NCOA1: variants seen among roughly 807,000 people sequenced by gnomAD.
The protein encoded by NCOA1 is nuclear receptor coactivator 1.
Under a neutral mutation model 150.9 loss-of-function variants are expected in NCOA1, and 35 were observed. The observed-to-expected ratio is 0.23, with a 90% CI of 0.18 to 0.31. NCOA1 has a LOEUF of 0.31. Ranked by LOEUF, NCOA1 falls within the 10% of genes least tolerant of loss-of-function variation. NCOA1 has a pLI of 1.00. For synonymous variants in NCOA1, 590 were observed against 630.0 expected, an observed-to-expected ratio of 0.94 and a Z score of 0.95; for missense variants, 1,491 against 1,749.3, an observed-to-expected ratio of 0.85 and a Z score of 2.63.
chr2:24,502,791 A>C (rs1320038447), intron 1 of NCOA1, among the ~76,000 whole-genome samples: 1 of 152,166 alleles, frequency 6.6e-6, no homozygotes, highest in Non-Finnish European at 1.5e-5. Context: ...TTGAAATTCT[A>C]CCTATCCTTT....
At chr2:24,656,636 C>T (rs1558878446) in intron 4 of NCOA1, among the ~76,000 whole-genome samples, 1 of 152,290 alleles carries the variant, frequency 6.6e-6, no homozygotes, top group East Asian at 1.9e-4. Flanking sequence ...ACATCCTTCC[C>T]AGCCTCTAGT....
intron 4 of NCOA1, among the ~76,000 whole-genome samples, chr2:24,654,975 C>T (rs1670867997): frequency 6.6e-6 from 1 of 152,154 alleles, no homozygotes; most frequent in African/African-American, 2.4e-5. Context: ...CCTTCCACTT[C>T]CACATACCTA....
At chr2:24,600,153 G>A (rs1392472728) in intron 3 of NCOA1, among the ~76,000 whole-genome samples, 2 of 152,052 alleles carry the variant, frequency 1.3e-5, no homozygotes, top group African/African-American at 2.4e-5. Context: ...TCAGAAGTTC[G>A]TCAAAGTATT....
At position 24,576,163 on chromosome 2, in the gene NCOA1, G is replaced by GTTTTT. The variant is rs1491073238; in HGVS notation, c.-259-8311_-259-8307dup. On this transcript the variant is annotated intron_variant, in intron 2 of 22. Coordinates refer to ENST00000348332, the MANE Select transcript of NCOA1 (RefSeq NM_003743.5). ...ATTTGGCCTTTGTTTTTTTTTTTTTGTTTTTTGTTTTTTTTTTTTTTTTTT... is the reference window on the plus strand; with the variant it reads ...ATTTGGCCTTTGTTTTTTTTTTTTTGTTTTTTTTTTTGTTTTTTTTTTTTTTTTTT... 1.7e-3 allele frequency among the ~76,000 whole-genome samples: 153 copies of GTTTTT among 92,650 alleles called. 1 individual carries two copies. Among genetic ancestry groups the GTTTTT allele is most frequent in the African/African-American group, 3.1e-3 (68 of 21,642 alleles). The allele number at this position is 92,650 out of a possible 152,430, so 60.8% of individuals were successfully genotyped here. A position where few individuals can be genotyped will look rare whatever the true frequency, so the allele number is the denominator to read the frequency against.
chr2:24,556,636 A>T (rs1205198161), intron 1 of NCOA1, among the ~76,000 whole-genome samples: 1 of 152,202 alleles, frequency 6.6e-6, no homozygotes, highest in Admixed American at 6.5e-5. Context: ...AAAGCTCAAC[A>T]TCACTGGTCA....
chr2:24,521,205 GATTAA>G (rs1220195075), intron 1 of NCOA1, among the ~76,000 whole-genome samples: 4 of 152,226 alleles, frequency 2.6e-5, no homozygotes, highest in African/African-American at 7.2e-5. Context: ...GTTGTGAAAT[GATTAA>G]ATTAAGCTGA....
intron 1 of NCOA1, among the ~76,000 whole-genome samples, chr2:24,539,231 T>C (rs1047997190): frequency 2.6e-5 from 4 of 152,164 alleles, no homozygotes; most frequent in Non-Finnish European, 5.9e-5. Flanking sequence ...CCCAAAGTGC[T>C]GGGATTACAG....
At chr2:24,605,420 G>T (rs916353886) in intron 3 of NCOA1, among the ~76,000 whole-genome samples, 2 of 152,244 alleles carry the variant, frequency 1.3e-5, no homozygotes, top group African/African-American at 4.8e-5. Flanking sequence ...ATTTATTTAT[G>T]TTGCTCTGTA....
At chr2:24,542,847 A>G (rs1316226933) in intron 1 of NCOA1, among the ~76,000 whole-genome samples, 1 of 152,252 alleles carries the variant, frequency 6.6e-6, no homozygotes, top group African/African-American at 2.4e-5. Flanking sequence ...TAATTAGTAA[A>G]CTTGATTTAA....
chr2:24,681,069 A>AG (rs1672139428), intron 7 of NCOA1, among the ~76,000 whole-genome samples: 1 of 151,770 alleles, frequency 6.6e-6, no homozygotes, highest in Non-Finnish European at 1.5e-5. Flanking sequence ...CACATAAAAA[A>AG]AAAAAAAAAT....
chr2:24,769,099 A>G lies in NCOA1; in HGVS notation c.*708A>G, dbSNP rs1665210241. 4.7e-6 allele frequency: 1 copy of G among 212,900 alleles called. No individual in the cohort carries two copies. Among genetic ancestry groups the G allele is most frequent in the Non-Finnish European group, 9.5e-6 (1 of 105,128 alleles). The allele number at this position is 212,900 out of a possible 1,614,324, so 13.2% of individuals were successfully genotyped here. On this transcript the variant is annotated 3_prime_UTR_variant, in exon 23 of 23. Coordinates refer to ENST00000348332, the MANE Select transcript of NCOA1 (RefSeq NM_003743.5). ...TAATTTTTGATGAGATGGGTGAAGGACAAGAAGTGAGTTGTGTCAATTATT... is the reference window on the plus strand; with the variant it reads ...TAATTTTTGATGAGATGGGTGAAGGGCAAGAAGTGAGTTGTGTCAATTATT...
chr2:24,684,884 G>A (rs1190290880), intron 8 of NCOA1, among the ~76,000 whole-genome samples: 3 of 151,846 alleles, frequency 2.0e-5, no homozygotes, highest in Non-Finnish European at 4.4e-5. Context: ...CTTCTTTCAA[G>A]GTATTTCCAA....
chr2:24,719,028 CAAAAAAAAAAAAAAAAA>C (rs59556004), intron 14 of NCOA1, among the ~76,000 whole-genome samples: 1 of 34,456 alleles, frequency 2.9e-5, no homozygotes, highest in African/African-American at 1.3e-4. Context: ...GACTCTGTCC[CAAAAAAAAAAAAAAAAA>C]AAAAAAAAAA....
intron 1 of NCOA1, among the ~76,000 whole-genome samples, chr2:24,543,043 T>G (rs188293870): frequency 6.6e-6 from 1 of 152,298 alleles, no homozygotes; most frequent in East Asian, 1.9e-4. Flanking sequence ...TATTCTGTTT[T>G]GTATTGCTAT....
intron 1 of NCOA1, among the ~76,000 whole-genome samples, chr2:24,548,949 G>A (rs189919315): frequency 4.6e-5 from 7 of 152,192 alleles, no homozygotes; most frequent in Admixed American, 2.0e-4. Flanking sequence ...ACCATTCTGC[G>A]GTCTGGAGGA....
At chr2:24,512,989 C>T (rs1664000358) in intron 1 of NCOA1, among the ~76,000 whole-genome samples, 4 of 152,124 alleles carry the variant, frequency 2.6e-5, no homozygotes. Context: ...CTACCACACA[C>T]AGATGAAAGT....
chr2:24,617,695 T>TAATG lies in NCOA1; in HGVS notation c.-174-26269_-174-26266dup, dbSNP rs557956624. Among the ~76,000 whole-genome samples, 1,373 of 152,286 alleles carry TAATG rather than the reference T, an allele frequency of 9.0e-3. 28 individuals are homozygous for TAATG. The highest frequency in any genetic ancestry group is 0.031 in the African/African-American group (1,305 of 41,544). ...AAACTCAGGCTTGGCTAAATGGCAT[T>TAATG]AATGAGTCCCTCATGCCAGGAACCT... On this transcript the variant is annotated intron_variant, in intron 3 of 22. Transcript: ENST00000348332.
intron 1 of NCOA1, among the ~76,000 whole-genome samples, chr2:24,562,944 C>T (rs905663012): frequency 2.0e-5 from 3 of 152,140 alleles, no homozygotes; most frequent in East Asian, 3.9e-4. Context: ...GATGGGACAT[C>T]ACAGGGAAGG....
intron 3 of NCOA1, among the ~76,000 whole-genome samples, chr2:24,609,366 C>G (rs1328344414): frequency 6.6e-6 from 1 of 152,172 alleles, no homozygotes; most frequent in African/African-American, 2.4e-5. Flanking sequence ...AAACATTGAT[C>G]TTTGCTTTGT....
Sources: allele counts gnomAD v4.1 joint callset (sites outside exome capture counted in the v4.1 genomes callset), GRCh38; gene constraint gnomAD v4.1.1; transcripts MANE v1.5; gene names NCBI Gene and HGNC (gene_info 2026-07-23, HGNC 2026-07-21).